Variants in GPHN observed in about 807,000 individuals in gnomAD.
GPHN encodes gephyrin.
Under a neutral mutation model 95.5 loss-of-function variants are expected in GPHN, and 17 were observed. The ratio of observed to expected loss-of-function variants is 0.18; its 90% CI spans 0.12 to 0.27. GPHN has a LOEUF of 0.27. Among genes scored for constraint, GPHN ranks in the 10% least tolerant of loss-of-function variants. The pLI is 1.00. For missense variants in GPHN, 660 were observed against 978.1 expected (o/e 0.67, Z 4.34); for synonymous variants, 320 against 322.5 (o/e 0.99, Z 0.08).
At chr14:67,107,753 G>C (rs1033380273) in intron 13 of GPHN, among the ~76,000 whole-genome samples, 3 of 152,132 alleles carry the variant, frequency 2.0e-5, no homozygotes. Context: ...TGATCCCCGG[G>C]GGGGCCAAGG....
chr14:67,122,007 G>C (rs981067370), intron 16 of GPHN, among the ~76,000 whole-genome samples: 2 of 152,104 alleles, frequency 1.3e-5, no homozygotes, highest in African/African-American at 4.8e-5. Context: ...CCAACCTGGT[G>C]GGATATTTTG....
the GPHN span, among the ~76,000 whole-genome samples, chr14:67,280,835 CCTTCCTTCCT>C: frequency 7.4e-6 from 1 of 134,328 alleles, no homozygotes; most frequent in Non-Finnish European, 1.5e-5. Context: ...TTCCTTCCTT[CCTTCCTTCCT>C]TCCTTCCTTC....
the GPHN span, among the ~76,000 whole-genome samples, chr14:67,281,509 ATTAT>A: frequency 6.6e-5 from 10 of 152,038 alleles, no homozygotes; most frequent in African/African-American, 2.2e-4. Flanking sequence ...CCACTCTATT[ATTAT>A]TTATTTATTT....
At chr14:67,589,456 A>T in the GPHN span, 1 of 985,418 alleles carries the variant, frequency 1.0e-6, no homozygotes. Context: ...AGTAACAGAA[A>T]AGTATTAATG....
chr14:67,348,673 C>G, the GPHN span, among the ~76,000 whole-genome samples: 6 of 150,826 alleles, frequency 4.0e-5, no homozygotes, highest in African/African-American at 1.5e-4. Context: ...AGGCGCGTGC[C>G]ACCAAACCTG....
chr14:67,361,468 G>A, the GPHN span, among the ~76,000 whole-genome samples: 1 of 152,182 alleles, frequency 6.6e-6, no homozygotes, highest in Admixed American at 6.5e-5. Context: ...TACTTATGTA[G>A]CACTCCTATA....
chr14:66,659,176 G>C (rs2065486282), intron 1 of GPHN, among the ~76,000 whole-genome samples: 1 of 151,204 alleles, frequency 6.6e-6, no homozygotes, highest in Non-Finnish European at 1.5e-5. Context: ...GTGTGTGTTT[G>C]TGTGCACGCG....
chr14:67,526,364 G>A, the GPHN span, among the ~76,000 whole-genome samples: 2 of 152,242 alleles, frequency 1.3e-5, no homozygotes, highest in African/African-American at 4.8e-5. Flanking sequence ...AACATGGGTA[G>A]GTAAGATGCC....
chr14:66,749,417 A>G (rs182698928), intron 2 of GPHN, among the ~76,000 whole-genome samples: 72 of 152,098 alleles, frequency 4.7e-4, no homozygotes, highest in African/African-American at 1.7e-3. Flanking sequence ...AGAAACCACC[A>G]GACTGTCTTC....
At chr14:66,992,929 T>C (rs2071531459) in intron 9 of GPHN, among the ~76,000 whole-genome samples, 4 of 152,198 alleles carry the variant, frequency 2.6e-5, no homozygotes, top group Admixed American at 2.6e-4. Context: ...AGTTGAATAG[T>C]TGAAACACAG....
intron 18 of GPHN, among the ~76,000 whole-genome samples, chr14:67,151,068 G>A (rs1225014815): frequency 6.6e-6 from 1 of 152,098 alleles, no homozygotes; most frequent in East Asian, 1.9e-4. Context: ...AGTTAGAACA[G>A]GGCATCTTTA....
chr14:67,565,802 T>G, the GPHN span, among the ~76,000 whole-genome samples: 1 of 152,112 alleles, frequency 6.6e-6, no homozygotes, highest in East Asian at 1.9e-4. Flanking sequence ...TTTCCAGCAG[T>G]AACTCCCAGG....
the GPHN span, among the ~76,000 whole-genome samples, chr14:67,440,908 T>A: frequency 6.6e-6 from 1 of 152,006 alleles, no homozygotes; most frequent in South Asian, 2.1e-4. Flanking sequence ...GAAAGAAGGC[T>A]AAATATTGAT....
chr14:66,549,902 C>T (rs1248781951), intron 1 of GPHN, among the ~76,000 whole-genome samples: 6 of 152,244 alleles, frequency 3.9e-5, no homozygotes, highest in African/African-American at 9.6e-5. Flanking sequence ...CATTTGTTTA[C>T]GGCATGGTTT....
chr14:66,604,483 A>G (rs2062415883), intron 1 of GPHN, among the ~76,000 whole-genome samples: 1 of 152,156 alleles, frequency 6.6e-6, no homozygotes, highest in Non-Finnish European at 1.5e-5. Flanking sequence ...ATGAAACACT[A>G]TCCACTGACC....
In GPHN at chr14:66,555,436, A is replaced by G. The variant is rs908984721; in HGVS notation, c.64+46845A>G. Among the ~76,000 whole-genome samples the G allele has an allele frequency of 4.6e-5, 7 of 152,236 alleles. No homozygotes were observed. In the South Asian group the frequency reaches 1.0e-3, roughly 23 times the overall value. On this transcript the variant is annotated intron_variant, in intron 1 of 22. Transcript: ENST00000478722. ...TCACATCTATCACAATGTGTGGCGT[A>G]TGGTAGGTGCTTAATAAATATTTGT... is the stretch of plus-strand genomic sequence containing the variant.
At chr14:67,147,205 A>G (rs185332002) in intron 18 of GPHN, among the ~76,000 whole-genome samples, 43 of 152,372 alleles carry the variant, frequency 2.8e-4, no homozygotes, top group African/African-American at 7.9e-4. Context: ...TAGCTAAGCT[A>G]TATCACCTCA....
At chr14:66,835,720 CTTAAGCTGATAA>C (rs1676391988) in intron 4 of GPHN, among the ~76,000 whole-genome samples, 1 of 152,028 alleles carries the variant, frequency 6.6e-6, no homozygotes, top group African/African-American at 2.4e-5. Flanking sequence ...CCAAAATCTC[CTTAAGCTGATAA>C]GCAACTTCAG....
chr14:66,546,855 G>A (rs1211809511), intron 1 of GPHN, among the ~76,000 whole-genome samples: 1 of 152,128 alleles, frequency 6.6e-6, no homozygotes, highest in Non-Finnish European at 1.5e-5. Flanking sequence ...CTTCACTTCA[G>A]CCTCTGAATG....
Sources: gnomAD v4.1 joint callset for allele counts (sites outside exome capture counted in the v4.1 genomes callset) on GRCh38, gnomAD v4.1.1 for gene constraint, MANE v1.5 for transcripts, NCBI Gene and HGNC (gene_info 2026-07-23, HGNC 2026-07-21) for gene names.